The following KSR1 variants were observed in gnomAD, a reference collection of about 807,000 sequenced individuals.
KSR1 encodes kinase suppressor of ras.
Under a neutral mutation model 92.9 loss-of-function variants are expected in KSR1, and 35 were observed. The observed-to-expected ratio is 0.38, with a 90% CI of 0.29 to 0.50. The LOEUF is 0.50. Ranked by LOEUF, KSR1 falls within the 20% of genes least tolerant of loss-of-function variation. The pLI is 0.94. For synonymous variants in KSR1, 467 were observed against 472.6 expected (o/e 0.99, Z 0.15); for missense variants, 972 against 1,158.5 (o/e 0.84, Z 2.34).
intron 1 of KSR1, among the ~76,000 whole-genome samples, chr17:27,509,659 T>C (rs1196074097): frequency 2.1e-5 from 1 of 47,558 alleles, no homozygotes; most frequent in Non-Finnish European, 4.5e-5. Flanking sequence ...TTGTCTCTAG[T>C]TTAAAACAAA....
At chr17:27,495,002 G>A (rs1003895876) in intron 1 of KSR1, among the ~76,000 whole-genome samples, 7 of 152,238 alleles carry the variant, frequency 4.6e-5, no homozygotes, top group African/African-American at 1.2e-4. Context: ...CGGGCAGTGC[G>A]GGTTCCAGGT....
chr17:27,602,742 C>T (rs1004072781), intron 11 of KSR1, among the ~76,000 whole-genome samples: 3 of 152,158 alleles, frequency 2.0e-5, no homozygotes, highest in African/African-American at 4.8e-5. Context: ...ACACTGTGTC[C>T]GGGGGAGGCC....
chr17:27,539,311 T>C (rs2070872801), intron 1 of KSR1, among the ~76,000 whole-genome samples: 1 of 152,084 alleles, frequency 6.6e-6, no homozygotes, highest in Non-Finnish European at 1.5e-5. Flanking sequence ...ACACAGGCCG[T>C]GTTGATGAAG....
At chr17:27,480,346 C>T (rs1347707924) in intron 1 of KSR1, among the ~76,000 whole-genome samples, 2 of 152,188 alleles carry the variant, frequency 1.3e-5, no homozygotes, top group African/African-American at 4.8e-5. Context: ...AATGAAAGCT[C>T]CACAGGGTAA....
intron 1 of KSR1, among the ~76,000 whole-genome samples, chr17:27,467,049 A>G (rs2150911828): frequency 6.6e-6 from 1 of 152,352 alleles, no homozygotes; most frequent in African/African-American, 2.4e-5. Flanking sequence ...TACTTTTCAC[A>G]ACACCCTTGT....
At position 27,611,546 on chromosome 17, in the gene KSR1, G is replaced by T. The variant is rs1252433061; in HGVS notation, c.2410G>T (p.Ala804Ser). Residue 804 changes from alanine to serine, a missense_variant, in exon 18 of 21, where the codon GCA (alanine) becomes TCA (serine). Physicochemically the swap from Ala to Ser is moderately conservative, Grantham distance 99. Coordinates refer to ENST00000644974, the MANE Select transcript of KSR1 (RefSeq NM_001394583.1). ...ARDWPLKNQA[A>S]EASIWQIGSG... Reference sequence around the variant, plus strand: ...AGACTGGCCCTTGAAGAACCAGGCTGCAGAGGCATCCATCTGGCAGATTGG... The same window carrying T: ...AGACTGGCCCTTGAAGAACCAGGCTTCAGAGGCATCCATCTGGCAGATTGG... 1 of 1,613,914 alleles carries T rather than the reference G, an allele frequency of 6.2e-7. No homozygotes were observed. The highest frequency in any genetic ancestry group is 1.7e-5 in the Admixed American group (1 of 60,022).
intron 19 of KSR1, 147 bp from the exon 20 acceptor site, chr17:27,621,046 G>A (rs1475499286): frequency 2.5e-6 from 1 of 393,692 alleles, no homozygotes; most frequent in Non-Finnish European, 4.5e-6. Flanking sequence ...TTTTATTTTC[G>A]GGGGGTGGCG....
intron 1 of KSR1, among the ~76,000 whole-genome samples, chr17:27,547,612 T>C (rs2071226719): frequency 6.6e-6 from 1 of 152,188 alleles, no homozygotes; most frequent in Non-Finnish European, 1.5e-5. Context: ...CACAGGTTTT[T>C]TTTGTTTTGT....
intron 6 of KSR1, among the ~76,000 whole-genome samples, chr17:27,589,971 C>T (rs2073106025): frequency 6.6e-6 from 1 of 152,176 alleles, no homozygotes; most frequent in African/African-American, 2.4e-5. Context: ...TCAAATACTG[C>T]ATATGTTATA....
intron 1 of KSR1, among the ~76,000 whole-genome samples, chr17:27,497,131 C>T (rs2069015151): frequency 6.6e-6 from 1 of 152,232 alleles, no homozygotes; most frequent in South Asian, 2.1e-4. Flanking sequence ...TCAGCTCTTT[C>T]ATTTCCACCT....
Position 27,617,333 on chromosome 17 carries a change from G to A in KSR1, c.2532G>A (p.Glu844=). The A allele has an allele frequency of 6.2e-7, 1 of 1,612,104 alleles. No homozygotes were observed. Among genetic ancestry groups the A allele is most frequent in the Non-Finnish European group, 8.5e-7 (1 of 1,178,936 alleles). The change falls in exon 19 of 21, where the codon GAG becomes GAA. Residue 844 remains glutamate, a synonymous_variant. Transcript: ENST00000644974. ...CCTGCTGGGCTTTCGACCTGCAGGA[G>A]AGACCCAGCTTCAGCCTGCTGATGG... ...LSACWAFDLQ[E]RPSFSLLMDM...
chr17:27,602,698 G>A (rs1026861946), intron 11 of KSR1, among the ~76,000 whole-genome samples: 3 of 152,170 alleles, frequency 2.0e-5, no homozygotes, highest in African/African-American at 7.2e-5. Context: ...TGGGATGGGT[G>A]GAAATGCCAG....
Position 27,533,263 on chromosome 17 carries a change from A to G in KSR1, c.232-17305A>G, listed in dbSNP as rs116496932. Among the ~76,000 whole-genome samples the G allele has an allele frequency of 4.1e-3, 619 of 152,266 alleles. 9 individuals are homozygous for G. Among genetic ancestry groups the G allele is most frequent in the African/African-American group, 0.014 (594 of 41,534 alleles). On this transcript the variant is annotated intron_variant, in intron 1 of 20. Transcript: ENST00000644974. ...AGGGCGTCTCTCACAGGTTTGTTGCAAGGATTAAGTGAGTTAATTCAGTTG... is the reference window on the plus strand; with the variant it reads ...AGGGCGTCTCTCACAGGTTTGTTGCGAGGATTAAGTGAGTTAATTCAGTTG...
intron 4 of KSR1, among the ~76,000 whole-genome samples, chr17:27,583,472 G>C (rs572859240): frequency 6.6e-6 from 1 of 152,370 alleles, no homozygotes; most frequent in South Asian, 2.1e-4. Context: ...TCCGGGCCCA[G>C]ACTGTCTGAA....
At chr17:27,510,488 T>C (rs986622810) in intron 1 of KSR1, among the ~76,000 whole-genome samples, 1 of 152,200 alleles carries the variant, frequency 6.6e-6, no homozygotes, top group African/African-American at 2.4e-5. Context: ...GTTTAATGGA[T>C]GGTTTTTAGA....
At chr17:27,614,599 C>A (rs2074007414) in intron 18 of KSR1, among the ~76,000 whole-genome samples, 1 of 152,222 alleles carries the variant, frequency 6.6e-6, no homozygotes, top group Non-Finnish European at 1.5e-5. Flanking sequence ...AGGCCTCCCC[C>A]ACAGAGGTAC....
At chr17:27,585,943 T>TACTGA in intron 5 of KSR1, 1 of 455,070 alleles carries the variant, frequency 2.2e-6, no homozygotes, top group Non-Finnish European at 4.0e-6. Context: ...GTCTCCACCT[T>TACTGA]GCCCTTCCCC....
chr17:27,573,225 C>T (rs2072378525), intron 2 of KSR1, among the ~76,000 whole-genome samples: 1 of 152,196 alleles, frequency 6.6e-6, no homozygotes, highest in African/African-American at 2.4e-5. Context: ...ATGTAAAAGC[C>T]AGCCATTTAA....
intron 11 of KSR1, 30 bp from the exon 12 acceptor site, chr17:27,603,804 T>C (rs2073654326): frequency 1.2e-6 from 2 of 1,612,966 alleles, no homozygotes; most frequent in Non-Finnish European, 1.7e-6. Context: ...AGCAATCTCA[T>C]GCTTTGTGTT....
Sources: allele counts gnomAD v4.1 joint callset (sites outside exome capture counted in the v4.1 genomes callset), GRCh38; gene constraint gnomAD v4.1.1; transcripts MANE v1.5; gene names NCBI Gene and HGNC (gene_info 2026-07-23, HGNC 2026-07-21).